Variants in SERPINB12 observed in about 807,000 individuals in gnomAD.
SERPINB12 encodes serpin B12.
Under a neutral mutation model 41.1 loss-of-function variants are expected in SERPINB12, and 57 were observed. The ratio of observed to expected loss-of-function variants is 1.39; its 90% CI spans 1.12 to 1.73. The LOEUF is 1.73. SERPINB12 is among the 40% of genes most tolerant of loss of function. The pLI is 0.00. For missense variants in SERPINB12, 536 were observed against 501.9 expected (o/e 1.07, Z -0.65); for synonymous variants, 180 against 181.3 (o/e 0.99, Z 0.06).
At chr18:63,541,944 A>G (rs1910280567), upstream of SERPINB12, among the ~76,000 whole-genome samples, 1 of 152,236 alleles carries the variant, frequency 6.6e-6, no homozygotes, top group Non-Finnish European at 1.5e-5. Context: ...GTCTAGCTTC[A>G]CACTTGACTG....
rs1240934943 is a variant in SERPINB12 at position 63,568,901 on chromosome 18, C to T, written c.*1890C>T. The stretch of plus-strand genomic sequence containing the variant: ...ACCTAAAACAATTTGACGTTGGTAA[C>T]GTGAGGCAGTTTGAGGCAGTGCCCT... On this transcript the variant is annotated 3_prime_UTR_variant, in exon 8 of 8. Coordinates refer to ENST00000382768, the MANE Select transcript of SERPINB12 (RefSeq NM_001307928.2). Among the ~76,000 whole-genome samples, 3 of 152,302 alleles carry T rather than the reference C, an allele frequency of 2.0e-5. No homozygotes were observed. The highest frequency in any genetic ancestry group is 3.4e-3 in the Middle Eastern group (1 of 294).
chr18:63,547,345 C>A (rs939651485), intron 1 of SERPINB12, among the ~76,000 whole-genome samples: 3 of 151,526 alleles, frequency 2.0e-5, no homozygotes, highest in Middle Eastern at 3.4e-3. Context: ...ATATTTTAAA[C>A]AATGTGAGTT....
At position 63,566,448 on chromosome 18, in the gene SERPINB12, G is replaced by T. The variant is rs142757101; in HGVS notation, c.874-159G>T. Among the ~76,000 whole-genome samples the T allele has an allele frequency of 2.6e-3, 403 of 152,258 alleles. 3 individuals carry two copies. Among genetic ancestry groups the T allele is most frequent in the African/African-American group, 8.8e-3 (367 of 41,548 alleles). On this transcript the variant is annotated intron_variant, in intron 7 of 7. Transcript: ENST00000382768. ...CTTCTTCTAAAGAGGAAAGATATTT[G>T]CTTGAAGTTTTAAATGAAATCAGAC...
At position 63,545,143 on chromosome 18, in the gene SERPINB12, C is replaced by G. The variant is rs1346870735; in HGVS notation, c.-19+2651C>G. Among the ~76,000 whole-genome samples, 4 of 151,898 alleles carry G rather than the reference C, an allele frequency of 2.6e-5. 1 individual carries two copies. In the East Asian group the frequency reaches 7.7e-4, roughly 29 times the overall value. ...TAATTCTTGCTGAGTTGTAACATAC[C>G]TAGGAGGAATCATCTAGCTCTATAC... On this transcript the variant is annotated intron_variant, in intron 1 of 7. Transcript: ENST00000382768.
At chr18:63,554,086 C>G (rs1910600726) in intron 1 of SERPINB12, among the ~76,000 whole-genome samples, 1 of 151,996 alleles carries the variant, frequency 6.6e-6, no homozygotes, top group East Asian at 1.9e-4. Flanking sequence ...GAGTTAGGTA[C>G]AAACTTGGCA....
intron 7 of SERPINB12, 118 bp downstream of exon 7, chr18:63,565,730 G>T (rs1000569707): frequency 1.3e-6 from 1 of 779,310 alleles, no homozygotes; most frequent in African/African-American, 1.8e-5. Context: ...GAGACATCAA[G>T]GAATGTGTAA....
chr18:63,556,172 G>C lies in SERPINB12; in HGVS notation c.13G>C (p.Val5Leu), dbSNP rs1191211449. The change falls in exon 2 of 8, where the codon GTT becomes CTT. Residue 5 changes from valine (V) to leucine (L), a missense_variant. Physicochemically the swap from Val to Leu is conservative, Grantham distance 32 (BLOSUM62 1). Transcript: ENST00000382768. ...TATAAGTTTTACAATGGACTCTCTT[G>C]TTACAGCAAACACCAAATTTTGCTT... is the stretch of plus-strand genomic sequence containing the variant. Reference protein sequence around the residue: MDSLVTANTKFCFDL... With the variant: MDSLLTANTKFCFDL... 6 of 1,613,164 alleles carry C rather than the reference G, an allele frequency of 3.7e-6. No individual in the cohort carries two copies. The South Asian group carries it at 6.6e-5, about 18-fold the overall frequency.
intron 5 of SERPINB12, among the ~76,000 whole-genome samples, chr18:63,561,441 T>C (rs57849698): frequency 0.041 from 6,265 of 152,280 alleles, 439 homozygotes; most frequent in African/African-American, 0.14. Flanking sequence ...ACTTATACAC[T>C]ATTGGTGGGA....
At chr18:63,549,590 A>C (rs1474703902) in intron 1 of SERPINB12, among the ~76,000 whole-genome samples, 1 of 120,842 alleles carries the variant, frequency 8.3e-6, no homozygotes, top group Non-Finnish European at 1.8e-5. Flanking sequence ...CACAGATTTC[A>C]ATGCAATTTG....
chr18:63,528,750 TG>T, the SERPINB12 span, among the ~76,000 whole-genome samples: 9 of 152,120 alleles, frequency 5.9e-5, no homozygotes, highest in African/African-American at 2.2e-4. Flanking sequence ...TCCTCACAAA[TG>T]GAATGTAAAT....
At position 63,566,850 on chromosome 18, in the gene SERPINB12, G is replaced by A. The variant is rs960730419; in HGVS notation, c.1117G>A (p.Asp373Asn). The change falls in exon 8 of 8, where the codon GAT (aspartate) becomes AAT (asparagine). Residue 373 changes from aspartate to asparagine, a missense_variant. Coordinates refer to ENST00000382768, the MANE Select transcript of SERPINB12 (RefSeq NM_001307928.2). ...KIIHKTFVEV[D>N]ENGTQAAAAT... ...TATCCACAAAACCTTTGTGGAGGTG[G>A]ATGAAAACGGTACCCAGGCAGCTGC... 6.2e-7 allele frequency: 1 copy of A among 1,614,152 alleles called. No homozygotes were observed. Among genetic ancestry groups the A allele is most frequent in the South Asian group, 1.1e-5 (1 of 91,068 alleles).
At chr18:63,559,095 C>CTTTT (rs1910809741) in intron 3 of SERPINB12, among the ~76,000 whole-genome samples, 1 of 112,852 alleles carries the variant, frequency 8.9e-6, no homozygotes, top group Non-Finnish European at 1.9e-5. Context: ...CTCTCTTTCT[C>CTTTT]TCTTTCTTTC....
chr18:63,557,427 A>T (rs1435150850), intron 2 of SERPINB12, among the ~76,000 whole-genome samples: 1 of 152,122 alleles, frequency 6.6e-6, no homozygotes, highest in East Asian at 1.9e-4. Context: ...CCCCAAATAA[A>T]CTACAAGTTC....
chr18:63,538,954 AT>A (rs1910223704), upstream of SERPINB12, among the ~76,000 whole-genome samples: 1 of 152,210 alleles, frequency 6.6e-6, no homozygotes, highest in South Asian at 2.1e-4. Flanking sequence ...AATATTGGTC[AT>A]TTAAAAATGG....
chr18:63,520,751 A>T, the SERPINB12 span, among the ~76,000 whole-genome samples: 1 of 152,222 alleles, frequency 6.6e-6, no homozygotes, highest in African/African-American at 2.4e-5. Flanking sequence ...GGGTGGGTAA[A>T]CAGGAGAAAT....
chr18:63,526,862 G>A, the SERPINB12 span, among the ~76,000 whole-genome samples: 11 of 152,076 alleles, frequency 7.2e-5, no homozygotes, highest in African/African-American at 2.7e-4. Context: ...GTATTTACAT[G>A]AACCTAGATG....
At chr18:63,543,447 C>A (rs1910316005) in intron 1 of SERPINB12, among the ~76,000 whole-genome samples, 1 of 152,104 alleles carries the variant, frequency 6.6e-6, no homozygotes, top group African/African-American at 2.4e-5. Flanking sequence ...TATGCAGTGC[C>A]TGACACATTA....
intron 1 of SERPINB12, among the ~76,000 whole-genome samples, chr18:63,554,723 A>G (rs902200210): frequency 2.0e-5 from 3 of 152,154 alleles, no homozygotes; most frequent in African/African-American, 7.2e-5. Flanking sequence ...CTGGTTCTAT[A>G]TTATCTGTAG....
chr18:63,532,478 A>T, the SERPINB12 span, among the ~76,000 whole-genome samples: 1,682 of 152,268 alleles, frequency 0.011, 26 homozygotes, highest in African/African-American at 0.038. Flanking sequence ...GGTTTGGGGT[A>T]CAGCAAGAGA....
Sources: gnomAD v4.1 joint callset for allele counts (sites outside exome capture counted in the v4.1 genomes callset) on GRCh38, gnomAD v4.1.1 for gene constraint, MANE v1.5 for transcripts, NCBI Gene and HGNC (gene_info 2026-07-23, HGNC 2026-07-21) for gene names.